ZNF407: variants seen among roughly 807,000 people sequenced by gnomAD.
ZNF407 encodes the protein zinc finger protein 407.
In ZNF407, 17 loss-of-function variants were observed where a neutral mutation model predicts 131.2. That is an observed-to-expected ratio of 0.13 (90% confidence interval 0.09 to 0.19). The LOEUF (loss-of-function observed/expected upper bound fraction) is 0.19, where lower values mean the gene tolerates loss of function less well. Ranked by LOEUF, ZNF407 falls within the 10% of genes least tolerant of loss-of-function variation. The pLI is 1.00. For synonymous variants in ZNF407, 1,156 were observed against 1,062.0 expected (o/e 1.09, Z -1.72); for missense variants, 2,681 against 2,830.6 (o/e 0.95, Z 1.20).
Position 74,685,319 on chromosome 18 carries a change from T to G in ZNF407, c.4802+44197T>G, listed in dbSNP as rs535110799. Among the ~76,000 whole-genome samples the G allele has an allele frequency of 1.4e-3, 207 of 152,304 alleles. 1 individual carries two copies. Among genetic ancestry groups the G allele is most frequent in the African/African-American group, 4.6e-3 (191 of 41,566 alleles). On this transcript the variant is annotated intron_variant, in intron 3 of 8. Transcript: ENST00000299687. ...CCACGTGAAGAGATGTGGTTATGTG[T>G]TCATCTGTACTTTCAAAGTATATTC...
intron 4 of ZNF407, among the ~76,000 whole-genome samples, chr18:74,816,183 A>G (rs1970265208): frequency 2.0e-5 from 3 of 152,126 alleles, no homozygotes; most frequent in Admixed American, 2.0e-4. Context: ...ATGGGTAATT[A>G]TCATATTATA....
At chr18:74,761,300 T>G (rs1969090361) in intron 3 of ZNF407, among the ~76,000 whole-genome samples, 1 of 152,180 alleles carries the variant, frequency 6.6e-6, no homozygotes, top group Non-Finnish European at 1.5e-5. Context: ...GAGACATTTT[T>G]ATATTTTGTG....
Position 74,848,016 on chromosome 18 carries a change from A to C in ZNF407, c.4878-29181A>C, listed in dbSNP as rs182888093. Among the ~76,000 whole-genome samples, 1,481 of 152,258 alleles carry C rather than the reference A, an allele frequency of 9.7e-3. 27 individuals carry two copies. Among genetic ancestry groups the C allele is most frequent in the African/African-American group, 0.033 (1,366 of 41,556 alleles). ...GACTTTTTATAAACTTAAATTTAGA[A>C]GTGATGCCTTTTTTTCTAATTACAA... is the stretch of plus-strand genomic sequence containing the variant. On this transcript the variant is annotated intron_variant, in intron 4 of 8. Coordinates refer to ENST00000299687, the MANE Select transcript of ZNF407 (RefSeq NM_017757.3).
chr18:74,938,063 C>T (rs1333648292), intron 8 of ZNF407, among the ~76,000 whole-genome samples: 1 of 152,118 alleles, frequency 6.6e-6, no homozygotes, highest in Non-Finnish European at 1.5e-5. Flanking sequence ...TAATTCATGA[C>T]CTCTTTTTTA....
At chr18:74,937,662 A>T (rs1195270346) in intron 8 of ZNF407, among the ~76,000 whole-genome samples, 1 of 152,324 alleles carries the variant, frequency 6.6e-6, no homozygotes, top group African/African-American at 2.4e-5. Flanking sequence ...AATGGAATGA[A>T]TTCAGTTTTA....
At chr18:75,025,797 C>T (rs904678355) in intron 8 of ZNF407, among the ~76,000 whole-genome samples, 25 of 152,240 alleles carry the variant, frequency 1.6e-4, no homozygotes, top group Admixed American at 1.1e-3. Flanking sequence ...ACCCTTTGAA[C>T]GTAGTAATTA....
At chr18:74,988,619 T>TA (rs1301194472) in intron 8 of ZNF407, among the ~76,000 whole-genome samples, 2 of 151,600 alleles carry the variant, frequency 1.3e-5, no homozygotes, top group Admixed American at 1.3e-4. Context: ...TTCAATTCTG[T>TA]AACCCTAAAA....
At chr18:74,622,704 G>A (rs1364665320) in intron 1 of ZNF407, among the ~76,000 whole-genome samples, 1 of 150,990 alleles carries the variant, frequency 6.6e-6, no homozygotes, top group Non-Finnish European at 1.5e-5. Flanking sequence ...GAGAGGATGG[G>A]TTCTTTATGG....
At chr18:74,620,915 G>A (rs1425779469) in intron 1 of ZNF407, among the ~76,000 whole-genome samples, 1 of 152,148 alleles carries the variant, frequency 6.6e-6, no homozygotes, top group Non-Finnish European at 1.5e-5. Flanking sequence ...GTAGGCTGCT[G>A]AAATGTCTGA....
intron 8 of ZNF407, among the ~76,000 whole-genome samples, chr18:75,027,879 G>A (rs759960884): frequency 2.6e-5 from 4 of 152,148 alleles, no homozygotes; most frequent in Non-Finnish European, 4.4e-5. Context: ...TACTGCCCAC[G>A]AGACATGGTC....
intron 3 of ZNF407, among the ~76,000 whole-genome samples, chr18:74,712,960 T>G (rs991911203): frequency 3.3e-4 from 51 of 152,306 alleles, no homozygotes; most frequent in African/African-American, 1.1e-3. Flanking sequence ...AGATTTTTTC[T>G]TAGAAGATGG....
At chr18:74,800,978 T>C (rs185543291) in intron 4 of ZNF407, among the ~76,000 whole-genome samples, 1 of 152,228 alleles carries the variant, frequency 6.6e-6, no homozygotes, top group African/African-American at 2.4e-5. Flanking sequence ...TTAAACTCTA[T>C]AAAATGTTTC....
At chr18:74,782,269 T>C (rs1969617654) in intron 4 of ZNF407, among the ~76,000 whole-genome samples, 1 of 152,216 alleles carries the variant, frequency 6.6e-6, no homozygotes, top group African/African-American at 2.4e-5. Flanking sequence ...CTTTAGTTTT[T>C]TTAATACTGT....
At chr18:74,919,837 A>G (rs1045263494) in intron 7 of ZNF407, among the ~76,000 whole-genome samples, 1 of 152,204 alleles carries the variant, frequency 6.6e-6, no homozygotes, top group Admixed American at 6.5e-5. Flanking sequence ...CAGGGCTTGC[A>G]TTTCTAATTC....
intron 8 of ZNF407, among the ~76,000 whole-genome samples, chr18:75,033,360 A>T (rs546316578): frequency 1.3e-5 from 2 of 152,232 alleles, no homozygotes; most frequent in Non-Finnish European, 2.9e-5. Context: ...AGTGCTTCAA[A>T]TCTTGTTCTA....
At position 74,866,987 on chromosome 18, in the gene ZNF407, G is replaced by GAAAA. The variant is rs35418996; in HGVS notation, c.4878-10191_4878-10188dup. 1.1e-4 allele frequency among the ~76,000 whole-genome samples: 7 copies of GAAAA among 62,770 alleles called. 1 individual carries two copies. Among genetic ancestry groups the GAAAA allele is most frequent in the African/African-American group, 3.2e-4 (5 of 15,692 alleles). 41.2% of individuals were successfully genotyped at this position (62,770 alleles called of 152,430 possible). A position where few individuals can be genotyped will look rare whatever the true frequency, so the allele number is the denominator to read the frequency against. ...ACATAGTGAAACCCTGTGTCTACCC[G>GAAAA]AAAAAAAAAAAAAAAAAAAAAAGGA... On this transcript the variant is annotated intron_variant, in intron 4 of 8. Coordinates refer to ENST00000299687, the MANE Select transcript of ZNF407 (RefSeq NM_017757.3).
intron 1 of ZNF407, among the ~76,000 whole-genome samples, chr18:74,612,959 T>C (rs1180985110): frequency 6.6e-6 from 1 of 152,236 alleles, no homozygotes; most frequent in Non-Finnish European, 1.5e-5. Context: ...TTTATTTACG[T>C]CCTTTTTTAA....
intron 3 of ZNF407, among the ~76,000 whole-genome samples, chr18:74,708,872 A>G (rs758945502): frequency 1.3e-5 from 2 of 152,238 alleles, no homozygotes; most frequent in Non-Finnish European, 1.5e-5. Flanking sequence ...ACATGAACAT[A>G]ATGTGCCCAG....
At position 74,684,255 on chromosome 18, in the gene ZNF407, C is replaced by T. The variant is rs192677552; in HGVS notation, c.4802+43133C>T. 2.6e-3 allele frequency among the ~76,000 whole-genome samples: 399 copies of T among 152,102 alleles called. 1 individual carries two copies. The highest frequency in any genetic ancestry group is 4.3e-3 in the Admixed American group (65 of 15,288). On this transcript the variant is annotated intron_variant, in intron 3 of 8. Coordinates refer to ENST00000299687, the MANE Select transcript of ZNF407 (RefSeq NM_017757.3). ...TTTTTCCAGGGTAACAGATTATCCCCCTACCCCACAAGGTATTGGGAAATC... is the reference window on the plus strand; with the variant it reads ...TTTTTCCAGGGTAACAGATTATCCCTCTACCCCACAAGGTATTGGGAAATC...
Sources: gnomAD v4.1 joint callset for allele counts (sites outside exome capture counted in the v4.1 genomes callset) on GRCh38, gnomAD v4.1.1 for gene constraint, MANE v1.5 for transcripts, NCBI Gene and HGNC (gene_info 2026-07-23, HGNC 2026-07-21) for gene names.